Variants in IQCE observed in about 807,000 individuals in gnomAD.
The protein encoded by IQCE is IQ domain-containing protein E.
IQCE carries 115 observed loss-of-function variants against 96.0 expected under a neutral mutation model. The observed-to-expected ratio is 1.20, with a 90% CI of 1.03 to 1.40. IQCE has a LOEUF of 1.40. Ranked by LOEUF, IQCE falls within the 40% of genes most tolerant of loss-of-function variation. The pLI is 0.00. For synonymous variants in IQCE, 412 were observed against 371.2 expected (o/e 1.11, Z -1.26); for missense variants, 1,041 against 909.1 (o/e 1.15, Z -1.87).
chr7:2,563,375 T>TGTGTG (rs1554301500), intron 1 of IQCE, among the ~76,000 whole-genome samples: 3 of 135,682 alleles, frequency 2.2e-5, no homozygotes, highest in Admixed American at 7.3e-5. Context: ...TAATTTTTTG[T>TGTGTG]TGTGTGTGTG....
rs748164173 is a variant in IQCE, at chr7:2,607,318, T to C, written c.1969+91T>C. 15 of 1,559,324 alleles carry C rather than the reference T, an allele frequency of 9.6e-6. No homozygotes were observed. In the East Asian group the frequency reaches 3.1e-4, roughly 32 times the overall value. On this transcript the variant is annotated intron_variant, in intron 21 of 21. Coordinates refer to ENST00000402050, the MANE Select transcript of IQCE (RefSeq NM_152558.5). ...GGCCACCTCCAGGAAGCCCGGGCTGTGTCGGGACGGAAGGGAGGAGTGTCC... is the reference window on the plus strand; with the variant it reads ...GGCCACCTCCAGGAAGCCCGGGCTGCGTCGGGACGGAAGGGAGGAGTGTCC...
chr7:2,613,610 G>A lies in IQCE; in HGVS notation c.*3448G>A, dbSNP rs553990581. 1.3e-5 allele frequency: 2 copies of A among 152,482 alleles called. No individual in the cohort carries two copies. Among genetic ancestry groups the A allele is most frequent in the East Asian group, 1.9e-4 (1 of 5,182 alleles). The allele number at this position is 152,482 out of a possible 1,614,324, so 9.4% of individuals were successfully genotyped here. A position where few individuals can be genotyped will look rare whatever the true frequency, so the allele number is the denominator to read the frequency against. ...TTCACATCACCCACCAGACAGCTGC[G>A]GAGAGAGTGCAGGGAGGGGCTGGGA... On this transcript the variant is annotated 3_prime_UTR_variant, in exon 22 of 22. Coordinates refer to ENST00000402050, the MANE Select transcript of IQCE (RefSeq NM_152558.5).
chr7:2,614,157 G>C lies in IQCE; in HGVS notation c.*3995G>C, dbSNP rs927145751. 2 of 152,136 alleles carry C rather than the reference G, an allele frequency of 1.3e-5. No individual in the cohort carries two copies. The highest frequency in any genetic ancestry group is 2.4e-5 in the African/African-American group (1 of 41,414). 9.4% of individuals were successfully genotyped at this position (152,136 alleles called of 1,614,324 possible). The stretch of plus-strand genomic sequence containing the variant: ...AAGGCAATTGAATTAGGAAAAGATA[G>C]CCCAACCTAGCTCAGATCCACCAAG... On this transcript the variant is annotated 3_prime_UTR_variant, in exon 22 of 22. Transcript: ENST00000402050.
chr7:2,597,005 C>A (rs1424731424), intron 16 of IQCE: 1 of 471,372 alleles, frequency 2.1e-6, no homozygotes, highest in Admixed American at 2.3e-5. Context: ...GAAGATTACA[C>A]TCCCAGGTCC....
chr7:2,579,833 T>C (rs1477250167), intron 8 of IQCE, among the ~76,000 whole-genome samples: 1 of 151,790 alleles, frequency 6.6e-6, no homozygotes, highest in Non-Finnish European at 1.5e-5. Flanking sequence ...AGCATTCAGC[T>C]CACGTGATCC....
chr7:2,563,373 T>TG (rs1781108981), intron 1 of IQCE, among the ~76,000 whole-genome samples: 4 of 98,816 alleles, frequency 4.0e-5, no homozygotes, highest in Admixed American at 2.0e-4. Flanking sequence ...ATTAATTTTT[T>TG]GTTGTGTGTG....
At chr7:2,601,730 A>G (rs1048030741) in intron 18 of IQCE, 2 of 402,760 alleles carry the variant, frequency 5.0e-6, no homozygotes, top group Non-Finnish European at 9.0e-6. Flanking sequence ...TTGTATTTTT[A>G]GGAGAGACGG....
chr7:2,577,343 TGCGTGGCTGTGCGC>T lies in IQCE; in HGVS notation c.466-895_466-882del, dbSNP rs1295750384. ...TGTGCGGCGTATACACATTGGCGTGTGCGTGGCTGTGCGCGCGGGGACGTGTGTGCGGCGTGCGC... is the reference window on the plus strand; with the variant it reads ...TGTGCGGCGTATACACATTGGCGTGTGCGGGGACGTGTGTGCGGCGTGCGC... On this transcript the variant is annotated intron_variant, in intron 6 of 21. Transcript: ENST00000402050. 8.8e-3 allele frequency among the ~76,000 whole-genome samples: 1,136 copies of T among 129,052 alleles called. 35 individuals are homozygous for T. The highest frequency in any genetic ancestry group is 0.028 in the African/African-American group (1,080 of 39,116). The allele number at this position is 129,052 out of a possible 152,430, so 84.7% of individuals were successfully genotyped here.
At position 2,561,805 on chromosome 7, in the gene IQCE, A is replaced by G. The variant is rs566467567; in HGVS notation, c.36+2588A>G. 2.0e-5 allele frequency among the ~76,000 whole-genome samples: 3 copies of G among 152,352 alleles called. No individual in the cohort carries two copies. In the South Asian group the frequency reaches 6.2e-4, roughly 32 times the overall value. On this transcript the variant is annotated intron_variant, in intron 1 of 21. Transcript: ENST00000402050. The stretch of plus-strand genomic sequence containing the variant: ...TGTTTACTAGTTTTTTAGTAGATTC[A>G]TTAGGATTTTCTATGTATAAAATCA...
At chr7:2,587,712 C>CGGA in intron 12 of IQCE, 110 bp from the exon 13 acceptor site, 2 of 1,111,384 alleles carry the variant, frequency 1.8e-6, no homozygotes, top group Non-Finnish European at 2.7e-6. Flanking sequence ...TCTGCAGCCC[C>CGGA]GCAGGCTGCT....
intron 1 of IQCE, among the ~76,000 whole-genome samples, chr7:2,559,894 T>C (rs554333662): frequency 1.0e-3 from 154 of 151,450 alleles, no homozygotes; most frequent in African/African-American, 3.6e-3. Flanking sequence ...AGGCCGGTAG[T>C]CCCCCGGTAG....
intron 15 of IQCE, among the ~76,000 whole-genome samples, chr7:2,594,356 G>T (rs538825142): frequency 7.6e-6 from 1 of 131,096 alleles, no homozygotes; most frequent in Non-Finnish European, 1.7e-5. Context: ...AAGGGCACAT[G>T]TGCAGAAATG....
intron 6 of IQCE, among the ~76,000 whole-genome samples, chr7:2,574,500 C>T (rs575753561): frequency 3.3e-5 from 5 of 152,332 alleles, no homozygotes; most frequent in South Asian, 2.1e-4. Context: ...GGAGCAAGTG[C>T]GCACCCTGGC....
At chr7:2,563,410 T>C (rs1781121158) in intron 1 of IQCE, among the ~76,000 whole-genome samples, 1 of 151,386 alleles carries the variant, frequency 6.6e-6, no homozygotes, top group African/African-American at 2.4e-5. Flanking sequence ...TGTGTGTGTG[T>C]GTACAGGGTT....
intron 8 of IQCE, among the ~76,000 whole-genome samples, chr7:2,579,818 A>G (rs1782527204): frequency 6.6e-6 from 1 of 151,278 alleles, no homozygotes; most frequent in Non-Finnish European, 1.5e-5. Flanking sequence ...ATCATGGCTC[A>G]CTGCAGCATT....
chr7:2,575,298 C>CATCG (rs1227636734), intron 6 of IQCE, among the ~76,000 whole-genome samples: 1 of 152,234 alleles, frequency 6.6e-6, no homozygotes, highest in Non-Finnish European at 1.5e-5. Context: ...ACTCAGCCAT[C>CATCG]ATCGACACCT....
intron 3 of IQCE, among the ~76,000 whole-genome samples, chr7:2,570,518 A>T (rs1203716910): frequency 4.6e-5 from 7 of 151,952 alleles, no homozygotes; most frequent in African/African-American, 9.7e-5. Context: ...CTGCGTCTTT[A>T]TTCCCTCATT....
In IQCE at chr7:2,572,204, A is replaced by T. The variant is rs751926494; in HGVS notation, c.272A>T (p.Gln91Leu). The change falls in exon 5 of 22, where the codon CAG becomes CTG. Residue 91 changes from glutamine to leucine, a missense_variant. Transcript: ENST00000402050. ...LGTAKPGSLT[Q>L]ALNSPLTWEH... ...ACATTCAAACCAGGAAGTCTGACCC[A>T]GGCCCTGAACTCACCCCTCACCTGG... is the stretch of plus-strand genomic sequence containing the variant. 34 of 1,613,712 alleles carry T rather than the reference A, an allele frequency of 2.1e-5. No individual in the cohort carries two copies. Among genetic ancestry groups the T allele is most frequent in the Non-Finnish European group, 2.7e-5 (32 of 1,179,878 alleles).
Position 2,613,294 on chromosome 7 carries a change from C to G in IQCE, c.*3132C>G, listed in dbSNP as rs1292088852. 1 of 152,304 alleles carries G rather than the reference C, an allele frequency of 6.6e-6. No homozygotes were observed. The highest frequency in any genetic ancestry group is 6.5e-5 in the Admixed American group (1 of 15,270). The allele number at this position is 152,304 out of a possible 1,614,324, so 9.4% of individuals were successfully genotyped here. On this transcript the variant is annotated 3_prime_UTR_variant, in exon 22 of 22. Coordinates refer to ENST00000402050, the MANE Select transcript of IQCE (RefSeq NM_152558.5). ...TGCAGTACCCGGAGGTGTGCTCTCC[C>G]CTAGAGGCCTGTCCCCAACTCCTCC... is the stretch of plus-strand genomic sequence containing the variant.
Sources: gnomAD v4.1 joint callset for allele counts (sites outside exome capture counted in the v4.1 genomes callset) on GRCh38, gnomAD v4.1.1 for gene constraint, MANE v1.5 for transcripts, NCBI Gene and HGNC (gene_info 2026-07-23, HGNC 2026-07-21) for gene names.